Variants in IQCH observed in about 807,000 individuals in gnomAD.
The protein encoded by IQCH is IQ motif containing H.
Under a neutral mutation model 117.0 loss-of-function variants are expected in IQCH, and 98 were observed. That is an observed-to-expected ratio of 0.84 (90% CI 0.71 to 0.99). The LOEUF (loss-of-function observed/expected upper bound fraction) is 0.99. IQCH is among the 50% of genes least tolerant of loss of function. The pLI is 0.00. For synonymous variants in IQCH, 412 were observed against 448.2 expected (o/e 0.92, Z 1.02); for missense variants, 1,102 against 1,243.8 (o/e 0.89, Z 1.72).
At chr15:67,318,173 A>G (rs1200990503) in intron 4 of IQCH, among the ~76,000 whole-genome samples, 2 of 152,052 alleles carry the variant, frequency 1.3e-5, no homozygotes, top group Non-Finnish European at 2.9e-5. Flanking sequence ...TTTGTTTTCC[A>G]TGTTTGGATG....
chr15:67,444,158 T>C (rs1460334112), intron 16 of IQCH, among the ~76,000 whole-genome samples: 2 of 152,266 alleles, frequency 1.3e-5, no homozygotes, highest in African/African-American at 2.4e-5. Context: ...TGAATTGAGT[T>C]GAACAGCTTA....
In IQCH at chr15:67,475,787, G is replaced by A. The variant is rs1049148617; in HGVS notation, c.2768G>A (p.Cys923Tyr). 1.1e-5 allele frequency: 18 copies of A among 1,614,024 alleles called. No individual in the cohort carries two copies. Among genetic ancestry groups the A allele is most frequent in the Non-Finnish European group, 1.5e-5 (18 of 1,179,992 alleles). Residue 923 changes from cysteine to tyrosine, a missense_variant, in exon 18 of 21, where the codon TGT becomes TAT. This residue lies in a region of IQCH where 650 missense variants were observed against 794.3 expected (regional missense o/e 0.82). Coordinates refer to ENST00000335894, the MANE Select transcript of IQCH (RefSeq NM_001031715.3). This position sits in a 1 kb window ranked among gnomAD's most constrained non-coding sequence, Gnocchi z 5.7. ...LVFHYVFLQICRAHGIGYDVE... is the reference protein window; with the variant it reads ...LVFHYVFLQIYRAHGIGYDVE... ...TTCCACTATGTTTTTCTCCAGATCT[G>A]TAGGGCCCATGGCATTGGCTATGAT...
chr15:67,494,498 G>A lies in IQCH; in HGVS notation c.2970+132G>A. On this transcript the variant is annotated intron_variant, in intron 20 of 20. Transcript: ENST00000335894. The surrounding 1 kb of genome is among the most constrained non-coding windows in gnomAD (Gnocchi z 5.5). The stretch of plus-strand genomic sequence containing the variant: ...GCAGTACATATTTTACAGTGTGCAG[G>A]GTCAATACTGTAAGGTTCCCACTGA... The A allele has an allele frequency of 1.9e-6, 1 of 519,138 alleles. No homozygotes were observed. The highest frequency in any genetic ancestry group is 3.4e-5 in the South Asian group (1 of 29,304). The allele number at this position is 519,138 out of a possible 1,614,324, so 32.2% of individuals were successfully genotyped here.
In IQCH at chr15:67,421,597, T is replaced by C. The variant is rs2140919608; in HGVS notation, c.2505+20T>C. ...CAACAGGTAAGTTGAATGGATGCCA[T>C]ACGAAATGCTAAAATATGTAATGAC... On this transcript the variant is annotated intron_variant, in intron 16 of 20. Coordinates refer to ENST00000335894, the MANE Select transcript of IQCH (RefSeq NM_001031715.3). 3 of 1,612,714 alleles carry C rather than the reference T, an allele frequency of 1.9e-6. No individual in the cohort carries two copies. Among genetic ancestry groups the C allele is most frequent in the South Asian group, 1.1e-5 (1 of 90,976 alleles).
At chr15:67,311,433 T>C (rs1204973667) in intron 4 of IQCH, among the ~76,000 whole-genome samples, 2 of 151,602 alleles carry the variant, frequency 1.3e-5, no homozygotes, top group Non-Finnish European at 2.9e-5. Context: ...TTGTATTCTG[T>C]GATAGATGTA....
At chr15:67,302,297 AATT>A (rs1328182129) in intron 4 of IQCH, among the ~76,000 whole-genome samples, 12 of 152,290 alleles carry the variant, frequency 7.9e-5, no homozygotes, top group Admixed American at 6.5e-4. Context: ...GTAGAATAGA[AATT>A]ATTCTGAAAG....
chr15:67,276,274 G>A (rs139369019), intron 3 of IQCH, among the ~76,000 whole-genome samples: 1 of 152,236 alleles, frequency 6.6e-6, no homozygotes, highest in East Asian at 1.9e-4. Flanking sequence ...CTGGGAAGGT[G>A]GTGACATACT....
At position 67,493,240 on chromosome 15, in the gene IQCH, C is replaced by T. The variant is rs75284449; in HGVS notation, c.2862-1018C>T. On this transcript the variant is annotated intron_variant, in intron 19 of 20. Coordinates refer to ENST00000335894, the MANE Select transcript of IQCH (RefSeq NM_001031715.3). This position sits in a 1 kb window ranked among gnomAD's most constrained non-coding sequence, Gnocchi z 5.1. ...GGAAGGGCCTCAGAATTAACTGATC[C>T]TCATAGATGGGAAACTGAGGCTTAG... Among the ~76,000 whole-genome samples, 5 of 152,270 alleles carry T rather than the reference C, an allele frequency of 3.3e-5. No individual in the cohort carries two copies. In the East Asian group the frequency reaches 9.6e-4, roughly 29 times the overall value.
At position 67,443,918 on chromosome 15, in the gene IQCH, G is replaced by A. The variant is rs2082336574; in HGVS notation, c.2506-21209G>A. On this transcript the variant is annotated intron_variant, in intron 16 of 20. Coordinates refer to ENST00000335894, the MANE Select transcript of IQCH (RefSeq NM_001031715.3). This position sits in a 1 kb window ranked among gnomAD's most constrained non-coding sequence, Gnocchi z 5.0. ...TTATTATCCCTAATTTACAAATGAGGAAACTGAGGCTGGAGTGACATGTTC... is the reference window on the plus strand; with the variant it reads ...TTATTATCCCTAATTTACAAATGAGAAAACTGAGGCTGGAGTGACATGTTC... 6.6e-6 allele frequency among the ~76,000 whole-genome samples: 1 copy of A among 152,174 alleles called. No homozygotes were observed.
rs551893038 is a variant in IQCH, at chr15:67,327,499, G to A, written c.388-9476G>A. Among the ~76,000 whole-genome samples, 266 of 152,166 alleles carry A rather than the reference G, an allele frequency of 1.7e-3. 1 individual carries two copies. Among genetic ancestry groups the A allele is most frequent in the African/African-American group, 5.9e-3 (245 of 41,522 alleles). ...TCATTCTGATATCAGAGTCATCTTAGGATCTGTTTTTATTGCCTACTTTTT... is the reference window on the plus strand; with the variant it reads ...TCATTCTGATATCAGAGTCATCTTAAGATCTGTTTTTATTGCCTACTTTTT... On this transcript the variant is annotated intron_variant, in intron 4 of 20. Coordinates refer to ENST00000335894, the MANE Select transcript of IQCH (RefSeq NM_001031715.3).
rs962443746 is a variant in IQCH at position 67,433,669 on chromosome 15, G to A, written c.2505+12092G>A. On this transcript the variant is annotated intron_variant, in intron 16 of 20. Coordinates refer to ENST00000335894, the MANE Select transcript of IQCH (RefSeq NM_001031715.3). This position sits in a 1 kb window ranked among gnomAD's most constrained non-coding sequence, Gnocchi z 5.4. ...GAATCACCAGAAACATGGCCAGGGC[G>A]AGGAAAATCTGGACACTCACACTGC... is the stretch of plus-strand genomic sequence containing the variant. 2.6e-5 allele frequency among the ~76,000 whole-genome samples: 4 copies of A among 152,132 alleles called. No homozygotes were observed. Among genetic ancestry groups the A allele is most frequent in the Non-Finnish European group, 4.4e-5 (3 of 68,026 alleles).
Position 67,376,328 on chromosome 15 carries a change from G to T in IQCH, c.1372+2895G>T, listed in dbSNP as rs532161842. On this transcript the variant is annotated intron_variant, in intron 10 of 20. Transcript: ENST00000335894. This position sits in a 1 kb window ranked among gnomAD's most constrained non-coding sequence, Gnocchi z 5.0. ...TATACAATTCATAAAAATAGAAGTG[G>T]ATGAAAGTGAAGCAAATTTTTTCTC... is the stretch of plus-strand genomic sequence containing the variant. Among the ~76,000 whole-genome samples, 1 of 152,312 alleles carries T rather than the reference G, an allele frequency of 6.6e-6. No individual in the cohort carries two copies. The highest frequency in any genetic ancestry group is 1.9e-4 in the East Asian group (1 of 5,184).
chr15:67,358,158 CTTTTTTTTTTTTTTTTTCTT>C (rs1263413432), intron 7 of IQCH, among the ~76,000 whole-genome samples: 39 of 53,110 alleles, frequency 7.3e-4, no homozygotes, highest in African/African-American at 2.8e-3. Context: ...CACGCCTGGC[CTTTTTTTTTTTTTTTTTCTT>C]TTTTAACCAT....
At chr15:67,477,774 T>C (rs1325307483) in intron 18 of IQCH, among the ~76,000 whole-genome samples, 1 of 152,182 alleles carries the variant, frequency 6.6e-6, no homozygotes, top group African/African-American at 2.4e-5. Flanking sequence ...TAAAAAGGCA[T>C]ATTTGGCAGG....
chr15:67,398,197 T>A (rs1596308836), intron 13 of IQCH, among the ~76,000 whole-genome samples: 2 of 152,110 alleles, frequency 1.3e-5, no homozygotes, highest in South Asian at 2.1e-4. Flanking sequence ...ATGTAATTTT[T>A]AAAAAATCTA....
rs1488662063 is a variant in IQCH, at chr15:67,424,956, A to T, written c.2505+3379A>T. 6.6e-6 allele frequency among the ~76,000 whole-genome samples: 1 copy of T among 152,148 alleles called. No individual in the cohort carries two copies. Among genetic ancestry groups the T allele is most frequent in the African/African-American group, 2.4e-5 (1 of 41,428 alleles). ...AGAAAACATCTTAATTTTTTTTCTA[A>T]TTGACATGCCTTGTGATGCCATTGA... On this transcript the variant is annotated intron_variant, in intron 16 of 20. Coordinates refer to ENST00000335894, the MANE Select transcript of IQCH (RefSeq NM_001031715.3). The surrounding 1 kb of genome is among the most constrained non-coding windows in gnomAD (Gnocchi z 4.9).
chr15:67,293,292 CATT>C (rs1326329695), intron 4 of IQCH, among the ~76,000 whole-genome samples: 4 of 152,244 alleles, frequency 2.6e-5, no homozygotes, highest in African/African-American at 9.6e-5. Flanking sequence ...GCTGAGTAGT[CATT>C]AGGAAAACAA....
Position 67,500,730 on chromosome 15 carries a change from C to G in IQCH, c.3068C>G (p.Ser1023Cys). 1.3e-6 allele frequency: 2 copies of G among 1,578,026 alleles called. No homozygotes were observed. Among genetic ancestry groups the G allele is most frequent in the Non-Finnish European group, 1.7e-6 (2 of 1,153,082 alleles). The change falls in exon 21 of 21, where the codon TCT becomes TGT. Residue 1023 changes from serine to cysteine, a missense_variant. Coordinates refer to ENST00000335894, the MANE Select transcript of IQCH (RefSeq NM_001031715.3). This position sits in a 1 kb window ranked among gnomAD's most constrained non-coding sequence, Gnocchi z 4.4. ...EQQSKDDKNL[S>C]KPKK is the part of the protein sequence containing the mutation. ...CAGTCCAAAGATGATAAAAACCTCT[C>G]TAAACCCAAGAAATGATCCTGGAAT...
rs1339264724 is a variant in IQCH at position 67,393,461 on chromosome 15, C to A, written c.1633-1830C>A. ...CTAGTCTATAAAAATCCTTTCAACT[C>A]CCTTGAGACCCTGGCACTTTTACAT... On this transcript the variant is annotated intron_variant, in intron 12 of 20. Transcript: ENST00000335894. The surrounding 1 kb of genome is among the most constrained non-coding windows in gnomAD (Gnocchi z 5.5). Among the ~76,000 whole-genome samples, 4 of 152,178 alleles carry A rather than the reference C, an allele frequency of 2.6e-5. No individual in the cohort carries two copies. The highest frequency in any genetic ancestry group is 9.6e-5 in the African/African-American group (4 of 41,456).
Sources: allele counts gnomAD v4.1 joint callset (sites outside exome capture counted in the v4.1 genomes callset), GRCh38; gene constraint gnomAD v4.1.1; regional missense constraint gnomAD v4.1.1; non-coding constraint Gnocchi (gnomAD v3.1); transcripts MANE v1.5; gene names NCBI Gene and HGNC (gene_info 2026-07-23, HGNC 2026-07-21).